Variants in HS6ST3 observed in about 807,000 individuals in gnomAD.
HS6ST3 encodes the protein heparan sulfate 6-O-sulfotransferase 3.
HS6ST3 carries 12 observed loss-of-function variants against 36.7 expected under a neutral mutation model. The ratio of observed to expected loss-of-function variants is 0.33; its 90% CI spans 0.21 to 0.53. HS6ST3 has a LOEUF of 0.53. Among genes scored for constraint, HS6ST3 ranks in the 20% least tolerant of loss-of-function variants. The pLI is 0.95. For synonymous variants in HS6ST3, 240 were observed against 257.5 expected (o/e 0.93, Z 0.65); for missense variants, 584 against 640.9 (o/e 0.91, Z 0.96).
At chr13:96,730,732 G>A (rs776574487) in intron 1 of HS6ST3, among the ~76,000 whole-genome samples, 4 of 151,396 alleles carry the variant, frequency 2.6e-5, no homozygotes, top group African/African-American at 4.9e-5. Context: ...CAAACTTAGC[G>A]AATTTTTTAA....
intron 1 of HS6ST3, among the ~76,000 whole-genome samples, chr13:96,584,309 A>G (rs542829694): frequency 6.6e-6 from 1 of 151,916 alleles, no homozygotes; most frequent in African/African-American, 2.4e-5. Context: ...ACCCCCAGCT[A>G]ATTTTTGTAT....
chr13:96,356,955 T>A (rs1023689999), intron 1 of HS6ST3, among the ~76,000 whole-genome samples: 3 of 152,194 alleles, frequency 2.0e-5, no homozygotes, highest in African/African-American at 7.2e-5. Flanking sequence ...GATAACTTGC[T>A]TCAGCATCTC....
At chr13:96,436,723 T>TC (rs1419602019) in intron 1 of HS6ST3, among the ~76,000 whole-genome samples, 1 of 152,206 alleles carries the variant, frequency 6.6e-6, no homozygotes, top group Non-Finnish European at 1.5e-5. Context: ...AGAAGGTGGC[T>TC]GTCTGCAAGC....
At chr13:96,592,270 C>CA (rs999771714) in intron 1 of HS6ST3, among the ~76,000 whole-genome samples, 1 of 151,932 alleles carries the variant, frequency 6.6e-6, no homozygotes, top group Non-Finnish European at 1.5e-5. Flanking sequence ...AACAAACAAG[C>CA]AAAAAAAGCT....
chr13:96,746,007 A>G (rs1400771412), intron 1 of HS6ST3, among the ~76,000 whole-genome samples: 2 of 151,928 alleles, frequency 1.3e-5, no homozygotes, highest in Non-Finnish European at 2.9e-5. Flanking sequence ...TCTAGTTTTA[A>G]AAAAAAGGAT....
intron 1 of HS6ST3, among the ~76,000 whole-genome samples, chr13:96,446,348 A>G (rs1042118630): frequency 1.3e-5 from 2 of 152,332 alleles, no homozygotes; most frequent in Middle Eastern, 3.4e-3. Context: ...TTTAATTAGC[A>G]GCATCTTACT....
intron 1 of HS6ST3, among the ~76,000 whole-genome samples, chr13:96,617,840 T>C (rs2056480106): frequency 6.6e-6 from 1 of 152,208 alleles, no homozygotes; most frequent in Admixed American, 6.5e-5. Context: ...CAGGTGATCC[T>C]AAGCACACTC....
chr13:96,727,907 C>G (rs1223150014), intron 1 of HS6ST3, among the ~76,000 whole-genome samples: 1 of 152,198 alleles, frequency 6.6e-6, no homozygotes, highest in Non-Finnish European at 1.5e-5. Flanking sequence ...TTTATTTCCA[C>G]TGCCATTTCC....
At chr13:96,290,256 G>A (rs2054823118) in intron 1 of HS6ST3, among the ~76,000 whole-genome samples, 1 of 152,096 alleles carries the variant, frequency 6.6e-6, no homozygotes, top group South Asian at 2.1e-4. Context: ...AGCATAGCAG[G>A]GGCCAAGGGG....
chr13:96,206,334 T>C (rs962741997), intron 1 of HS6ST3, among the ~76,000 whole-genome samples: 12 of 152,194 alleles, frequency 7.9e-5, no homozygotes, highest in African/African-American at 2.9e-4. Flanking sequence ...GAAAAATATT[T>C]CATGCTTATG....
chr13:96,371,862 T>C (rs2055291742), intron 1 of HS6ST3, among the ~76,000 whole-genome samples: 1 of 152,196 alleles, frequency 6.6e-6, no homozygotes, highest in Non-Finnish European at 1.5e-5. Flanking sequence ...TATATGTTTA[T>C]GGGTTTTCTT....
At position 96,585,466 on chromosome 13, in the gene HS6ST3, A is replaced by G. The variant is rs140096608; in HGVS notation, c.708-247024A>G. Among the ~76,000 whole-genome samples, 721 of 152,290 alleles carry G rather than the reference A, an allele frequency of 4.7e-3. 1 individual carries two copies. Among genetic ancestry groups the G allele is most frequent in the Non-Finnish European group, 7.6e-3 (518 of 68,006 alleles). Reference sequence around the variant, plus strand: ...AACATATCCATTATCTTACATAGCTATTAGTTTATATCCACTCTTCTAGTA... The same window carrying G: ...AACATATCCATTATCTTACATAGCTGTTAGTTTATATCCACTCTTCTAGTA... On this transcript the variant is annotated intron_variant, in intron 1 of 1. Transcript: ENST00000376705.
chr13:96,411,859 G>A (rs1313976517), intron 1 of HS6ST3, among the ~76,000 whole-genome samples: 1 of 152,136 alleles, frequency 6.6e-6, no homozygotes, highest in African/African-American at 2.4e-5. Context: ...TGAGTGATAG[G>A]AAGAAATCTA....
intron 1 of HS6ST3, among the ~76,000 whole-genome samples, chr13:96,496,860 G>A (rs1337679026): frequency 5.9e-5 from 9 of 152,266 alleles, no homozygotes; most frequent in African/African-American, 2.2e-4. Flanking sequence ...AGAGGTCCTT[G>A]TCAGTGGGGA....
intron 1 of HS6ST3, among the ~76,000 whole-genome samples, chr13:96,330,189 G>A (rs1308752527): frequency 6.8e-6 from 1 of 146,302 alleles, no homozygotes; most frequent in African/African-American, 2.5e-5. Context: ...TACATTTAAA[G>A]TTAATATTGT....
chr13:96,748,990 A>G (rs1876629358), intron 1 of HS6ST3, among the ~76,000 whole-genome samples: 1 of 152,086 alleles, frequency 6.6e-6, no homozygotes, highest in African/African-American at 2.4e-5. Context: ...TCTCAGTTAA[A>G]TACTTTTAGC....
At chr13:96,317,372 TTA>T (rs57780978) in intron 1 of HS6ST3, among the ~76,000 whole-genome samples, 1,317 of 52,038 alleles carry the variant, frequency 0.025, 32 homozygotes, top group East Asian at 0.064. Context: ...ATATATAAAA[TTA>T]TATATATATA....
At chr13:96,309,264 T>C (rs1324750060) in intron 1 of HS6ST3, among the ~76,000 whole-genome samples, 1 of 152,136 alleles carries the variant, frequency 6.6e-6, no homozygotes, top group Admixed American at 6.6e-5. Flanking sequence ...ATCTGCTTGG[T>C]TTCATGCTAA....
chr13:96,512,505 A>T (rs1594797192), intron 1 of HS6ST3, among the ~76,000 whole-genome samples: 1 of 152,168 alleles, frequency 6.6e-6, no homozygotes, highest in Non-Finnish European at 1.5e-5. Flanking sequence ...CTTAATATCC[A>T]GTGTTCGCAT....
Sources: gnomAD v4.1 joint callset for allele counts (sites outside exome capture counted in the v4.1 genomes callset) on GRCh38, gnomAD v4.1.1 for gene constraint, MANE v1.5 for transcripts, NCBI Gene and HGNC (gene_info 2026-07-23, HGNC 2026-07-21) for gene names.